Variants in TRAPPC9 observed in about 807,000 individuals in gnomAD.
TRAPPC9 encodes the protein trafficking protein particle complex subunit 9, also known as IKK2 binding protein.
A neutral mutation model predicts 124.0 loss-of-function variants in TRAPPC9; 83 were observed. That is an observed-to-expected ratio of 0.67 (90% CI 0.56 to 0.80). The LOEUF is 0.80. Ranked by LOEUF, TRAPPC9 falls within the 30% of genes least tolerant of loss-of-function variation. The pLI is 0.00. For synonymous variants in TRAPPC9, 638 were observed against 617.5 expected, an observed-to-expected ratio of 1.03 and a Z score of -0.49; for missense variants, 1,302 against 1,508.3, an observed-to-expected ratio of 0.86 and a Z score of 2.27.
At chr8:139,867,224 T>C (rs1358612609) in intron 21 of TRAPPC9, among the ~76,000 whole-genome samples, 1 of 152,212 alleles carries the variant, frequency 6.6e-6, no homozygotes, top group Non-Finnish European at 1.5e-5. Flanking sequence ...CTGGAATATC[T>C]TGTGCCAGAA....
chr8:140,155,627 A>G (rs151198298), intron 17 of TRAPPC9, among the ~76,000 whole-genome samples: 1 of 152,248 alleles, frequency 6.6e-6, no homozygotes, highest in African/African-American at 2.4e-5. Flanking sequence ...TAAAAGGACA[A>G]TCTCGTTTGT....
chr8:139,741,152 CA>C (rs1314573375), intron 21 of TRAPPC9, among the ~76,000 whole-genome samples: 1 of 152,182 alleles, frequency 6.6e-6, no homozygotes, highest in African/African-American at 2.4e-5. Flanking sequence ...TGACACTCCC[CA>C]TTGGGCATGA....
Position 140,405,683 on chromosome 8 carries a change from T to TTGG in TRAPPC9, c.899_901dup (p.Thr300dup). The stretch of plus-strand genomic sequence containing the variant: ...AGTACTGGTGTCAGGGTTGATGCCA[T>TTGG]TGGTGGTGAGGGCACCTGCAAACCA... On this transcript the variant is annotated inframe_insertion, in exon 6 of 23. Transcript: ENST00000438773. 1 of 1,614,204 alleles carries TTGG rather than the reference T, an allele frequency of 6.2e-7. No individual in the cohort carries two copies. The highest frequency in any genetic ancestry group is 8.5e-7 in the Non-Finnish European group (1 of 1,180,026).
intron 17 of TRAPPC9, among the ~76,000 whole-genome samples, chr8:140,139,070 A>G (rs1163687998): frequency 1.3e-5 from 2 of 152,132 alleles, no homozygotes; most frequent in African/African-American, 4.8e-5. Flanking sequence ...TCCACATCAC[A>G]CCCATTCTAG....
At chr8:139,790,459 A>G (rs763050717) in intron 21 of TRAPPC9, among the ~76,000 whole-genome samples, 8 of 152,200 alleles carry the variant, frequency 5.3e-5, no homozygotes, top group Non-Finnish European at 1.0e-4. Context: ...CGGTGCTCAC[A>G]GGGGAAGGCA....
At chr8:140,296,203 T>C (rs2065799449) in intron 11 of TRAPPC9, among the ~76,000 whole-genome samples, 2 of 152,234 alleles carry the variant, frequency 1.3e-5, no homozygotes, top group East Asian at 1.9e-4. Flanking sequence ...TGGATAATGT[T>C]TGCTTAAGCC....
At chr8:139,843,573 G>C (rs775364148) in intron 21 of TRAPPC9, among the ~76,000 whole-genome samples, 1 of 152,226 alleles carries the variant, frequency 6.6e-6, no homozygotes, top group Non-Finnish European at 1.5e-5. Context: ...GAATTATCCA[G>C]GTGAGCCCCA....
intron 21 of TRAPPC9, among the ~76,000 whole-genome samples, chr8:139,871,098 G>C (rs1348591040): frequency 6.6e-6 from 1 of 152,320 alleles, no homozygotes; most frequent in East Asian, 1.9e-4. Flanking sequence ...TGTGAGGACT[G>C]TGTGACATGA....
chr8:140,447,164 CAAACCAAAG>C (rs2071291354), intron 2 of TRAPPC9, among the ~76,000 whole-genome samples: 1 of 152,146 alleles, frequency 6.6e-6, no homozygotes, highest in Non-Finnish European at 1.5e-5. Flanking sequence ...TCAAAACAAA[CAAACCAAAG>C]AATAAAGGCT....
In TRAPPC9 at chr8:140,008,142, C is replaced by T. The variant is rs80198287; in HGVS notation, c.2699+15795G>A. Reference sequence around the variant, plus strand: ...AATGTGTGTTCATCATCTCAGGGCACACAAGACAATAGGTAAGGGATGGGA... The same window carrying T: ...AATGTGTGTTCATCATCTCAGGGCATACAAGACAATAGGTAAGGGATGGGA... On this transcript the variant is annotated intron_variant, in intron 18 of 22. Transcript: ENST00000438773. Among the ~76,000 whole-genome samples, 1,313 of 152,274 alleles carry T rather than the reference C, an allele frequency of 8.6e-3. 10 individuals are homozygous for T. Among genetic ancestry groups the T allele is most frequent in the Non-Finnish European group, 0.015 (1,016 of 68,028 alleles).
intron 21 of TRAPPC9, among the ~76,000 whole-genome samples, chr8:139,796,618 G>A (rs1823114737): frequency 1.3e-5 from 2 of 152,190 alleles, no homozygotes; most frequent in Non-Finnish European, 2.9e-5. Flanking sequence ...AATATTCCAT[G>A]TTATGGCTAT....
At chr8:140,373,245 A>G (rs1027450429) in intron 7 of TRAPPC9, among the ~76,000 whole-genome samples, 11 of 152,228 alleles carry the variant, frequency 7.2e-5, no homozygotes, top group Admixed American at 3.3e-4. Flanking sequence ...ACAATAAATC[A>G]ATGAAAAAAT....
intron 17 of TRAPPC9, among the ~76,000 whole-genome samples, chr8:140,213,054 G>C (rs920551392): frequency 2.0e-5 from 3 of 149,012 alleles, no homozygotes; most frequent in Non-Finnish European, 4.4e-5. Context: ...CCTGGTGACA[G>C]AGCAAGACTC....
At chr8:139,858,593 G>A (rs1313773560) in intron 21 of TRAPPC9, among the ~76,000 whole-genome samples, 1 of 152,244 alleles carries the variant, frequency 6.6e-6, no homozygotes, top group Non-Finnish European at 1.5e-5. Flanking sequence ...GAAGGCCCCA[G>A]TAGATCTGGG....
At chr8:139,842,986 T>C (rs1826842657) in intron 21 of TRAPPC9, among the ~76,000 whole-genome samples, 1 of 152,206 alleles carries the variant, frequency 6.6e-6, no homozygotes. Flanking sequence ...GCCAGATGCT[T>C]CCAGCCAACC....
intron 16 of TRAPPC9, among the ~76,000 whole-genome samples, chr8:140,233,659 ACCCTCTCTCTCCCCTAC>A (rs1298534704): frequency 8.4e-6 from 1 of 118,786 alleles, no homozygotes; most frequent in Non-Finnish European, 1.7e-5. Flanking sequence ...ACATAAACAC[ACCCTCTCTCTCCCCTAC>A]CACACACACA....
At chr8:140,442,348 C>A (rs1224966809) in intron 2 of TRAPPC9, among the ~76,000 whole-genome samples, 1 of 151,902 alleles carries the variant, frequency 6.6e-6, no homozygotes, top group African/African-American at 2.4e-5. Flanking sequence ...ACCTGTAATC[C>A]CAGCACTTTG....
chr8:140,376,873 CAA>C lies in TRAPPC9; in HGVS notation c.1135-5695_1135-5694del, dbSNP rs36002702. Among the ~76,000 whole-genome samples, 249 of 112,808 alleles carry C rather than the reference CAA, an allele frequency of 2.2e-3. 1 individual carries two copies. Among genetic ancestry groups the C allele is most frequent in the East Asian group, 0.018 (69 of 3,842 alleles). 74.0% of individuals were successfully genotyped at this position (112,808 alleles called of 152,430 possible). A position where few individuals can be genotyped will look rare whatever the true frequency, so the allele number is the denominator to read the frequency against. ...GCACAACAAGAGCGAGGCTCCATCT[CAA>C]AAAAAAAAAAAAAAAAATCACAGTG... On this transcript the variant is annotated intron_variant, in intron 7 of 22. Transcript: ENST00000438773.
intron 21 of TRAPPC9, among the ~76,000 whole-genome samples, chr8:139,771,369 C>T (rs922414209): frequency 3.9e-5 from 6 of 152,098 alleles, no homozygotes; most frequent in Admixed American, 1.3e-4. Flanking sequence ...ATCATGAAGC[C>T]CTGCCCAGGA....
Sources: allele counts gnomAD v4.1 joint callset (sites outside exome capture counted in the v4.1 genomes callset), GRCh38; gene constraint gnomAD v4.1.1; transcripts MANE v1.5; gene names NCBI Gene and HGNC (gene_info 2026-07-23, HGNC 2026-07-21).